CFAP61: variants seen among roughly 807,000 people sequenced by gnomAD.
The protein encoded by CFAP61 is cilia- and flagella-associated protein 61.
In CFAP61, 107 loss-of-function variants were observed where a neutral mutation model predicts 135.6. The ratio of observed to expected loss-of-function variants is 0.79; its 90% CI spans 0.67 to 0.93. The LOEUF (loss-of-function observed/expected upper bound fraction) is 0.93, where lower values mean the gene tolerates loss of function less well. Among genes scored for constraint, CFAP61 ranks in the 40% least tolerant of loss-of-function variants. The pLI is 0.00. For missense variants in CFAP61, 1,507 were observed against 1,556.2 expected, an observed-to-expected ratio of 0.97 and a Z score of 0.53; for synonymous variants, 575 against 578.5, an observed-to-expected ratio of 0.99 and a Z score of 0.09.
intron 25 of CFAP61, among the ~76,000 whole-genome samples, chr20:20,332,794 A>G (rs1053356344): frequency 2.6e-5 from 4 of 151,976 alleles, no homozygotes; most frequent in African/African-American, 7.3e-5. Flanking sequence ...TTTATTTTTT[A>G]ATTTTTGTAG....
chr20:20,164,017 T>C (rs1366263531), intron 10 of CFAP61, 33 bp from the exon 11 acceptor site: 16 of 1,553,262 alleles, frequency 1.0e-5, no homozygotes, highest in Non-Finnish European at 1.4e-5. Flanking sequence ...ATTGACAGGA[T>C]TCTCATTGGC....
At chr20:20,092,685 T>TAAA (rs34205914) in intron 7 of CFAP61, among the ~76,000 whole-genome samples, 2 of 151,634 alleles carry the variant, frequency 1.3e-5, no homozygotes, top group African/African-American at 4.9e-5. Flanking sequence ...TAGACACTTT[T>TAAA]AAAAAAAATG....
intron 10 of CFAP61, among the ~76,000 whole-genome samples, chr20:20,160,245 C>T (rs1160304918): frequency 6.6e-6 from 1 of 152,206 alleles, no homozygotes; most frequent in Non-Finnish European, 1.5e-5. Context: ...GATGGATGGA[C>T]TGACTCAGCA....
intron 2 of CFAP61, among the ~76,000 whole-genome samples, chr20:20,066,100 A>G (rs6075611): frequency 0.055 from 8,343 of 152,290 alleles, 268 homozygotes; most frequent in East Asian, 0.1. Context: ...TGGTCATTAG[A>G]GAAATGCAAA....
At chr20:20,288,322 C>T (rs138175736) in intron 22 of CFAP61, among the ~76,000 whole-genome samples, 31 of 152,256 alleles carry the variant, frequency 2.0e-4, no homozygotes, top group Middle Eastern at 3.4e-3. Flanking sequence ...AACCCTCTTC[C>T]GCCGAAAACC....
intron 10 of CFAP61, among the ~76,000 whole-genome samples, chr20:20,162,358 A>G (rs182038191): frequency 7.9e-5 from 12 of 152,272 alleles, no homozygotes; most frequent in African/African-American, 2.9e-4. Flanking sequence ...ATCTTTGGGG[A>G]CCACAGTCCT....
At chr20:20,179,592 G>A (rs2054896419) in intron 13 of CFAP61, among the ~76,000 whole-genome samples, 2 of 152,080 alleles carry the variant, frequency 1.3e-5, no homozygotes, top group Admixed American at 1.3e-4. Context: ...TAAGCAAAAA[G>A]AACAAAGCTG....
At position 20,169,420 on chromosome 20, in the gene CFAP61, G is replaced by T. The variant is rs763745319; in HGVS notation, c.1345G>T (p.Glu449Ter). ...KMVPFNTCTL[E>*]QDLYVFHRAG... Reference sequence around the variant, plus strand: ...GGTCCCTTTCAACACCTGCACCCTCGAGCAGGACCTCTACGTCTTCCACCG... The same window carrying T: ...GGTCCCTTTCAACACCTGCACCCTCTAGCAGGACCTCTACGTCTTCCACCG... The change falls in exon 13 of 27, where the codon GAG becomes TAG. Residue 449 changes from glutamate (E) to a stop codon, truncating the protein, a stop_gained. Transcript: ENST00000245957. LOFTEE classifies it high-confidence loss of function. 1 of 1,613,768 alleles carries T rather than the reference G, an allele frequency of 6.2e-7. No homozygotes were observed. Among genetic ancestry groups the T allele is most frequent in the Non-Finnish European group, 8.5e-7 (1 of 1,179,908 alleles).
intron 9 of CFAP61, among the ~76,000 whole-genome samples, chr20:20,147,766 G>T (rs1200940090): frequency 6.6e-6 from 1 of 151,192 alleles, no homozygotes; most frequent in African/African-American, 2.4e-5. Flanking sequence ...TTTATTTGTT[G>T]GTTTTTTGTT....
At chr20:20,095,298 T>C (rs1454433611) in intron 7 of CFAP61, among the ~76,000 whole-genome samples, 1 of 152,180 alleles carries the variant, frequency 6.6e-6, no homozygotes, top group East Asian at 1.9e-4. Context: ...TCTGGGCTTT[T>C]CCCCCGCAAA....
chr20:20,216,190 C>T (rs1247082860), intron 17 of CFAP61, among the ~76,000 whole-genome samples: 1 of 152,174 alleles, frequency 6.6e-6, no homozygotes, highest in Non-Finnish European at 1.5e-5. Flanking sequence ...TGTTTGGAAG[C>T]TGAATGCTAC....
At chr20:20,290,248 A>T in intron 23 of CFAP61, 52 bp from the exon 24 acceptor site, 47 of 950,244 alleles carry the variant, frequency 4.9e-5, no homozygotes, top group Non-Finnish European at 7.7e-5. Context: ...GAGCTCTGTT[A>T]CTCACCTCAT....
chr20:20,360,142 G>A, intron 26 of CFAP61, 68 bp from the exon 27 acceptor site: 1 of 1,184,408 alleles, frequency 8.4e-7, no homozygotes, highest in Non-Finnish European at 1.3e-6. Flanking sequence ...TCATTCTCAT[G>A]AAACTGCCGT....
intron 18 of CFAP61, among the ~76,000 whole-genome samples, chr20:20,234,282 C>G (rs554622326): frequency 6.6e-6 from 1 of 152,204 alleles, no homozygotes; most frequent in East Asian, 1.9e-4. Flanking sequence ...GACAGGAGAC[C>G]CCTTGCAGGT....
At chr20:20,095,919 G>A (rs1162814668) in intron 7 of CFAP61, among the ~76,000 whole-genome samples, 1 of 152,158 alleles carries the variant, frequency 6.6e-6, no homozygotes, top group Non-Finnish European at 1.5e-5. Flanking sequence ...TTCTGTAAAT[G>A]GACCTGTTTG....
Position 20,359,419 on chromosome 20 carries a change from C to CTT in CFAP61, c.3514-789_3514-788dup, listed in dbSNP as rs1228318464. ...GTGGCTCATGCCTGTAATCCCAGCA[C>CTT]TTTGGGAGGCCGAGGTGGGCAGATC... On this transcript the variant is annotated intron_variant, in intron 26 of 26. Transcript: ENST00000245957. The surrounding 1 kb of genome is among the most constrained non-coding windows in gnomAD (Gnocchi z 4.0). 5.9e-5 allele frequency among the ~76,000 whole-genome samples: 9 copies of CTT among 151,968 alleles called. No homozygotes were observed. The East Asian group carries it at 1.7e-3, about 29-fold the overall frequency.
At chr20:20,165,401 A>T (rs2064445) in intron 11 of CFAP61, among the ~76,000 whole-genome samples, 1 of 151,986 alleles carries the variant, frequency 6.6e-6, no homozygotes, top group Non-Finnish European at 1.5e-5. Context: ...ATATCTGAGC[A>T]GGGGATAAGT....
chr20:20,274,118 G>A (rs577411097), intron 21 of CFAP61, among the ~76,000 whole-genome samples: 6 of 152,120 alleles, frequency 3.9e-5, no homozygotes, highest in Non-Finnish European at 8.8e-5. Context: ...CATTATATAT[G>A]GGCATTTGAG....
At position 20,134,431 on chromosome 20, in the gene CFAP61, G is replaced by A. The variant is rs532388192; in HGVS notation, c.860-8426G>A. ...AGGAGAACTGAGGCCAGGCAATCAA[G>A]ACCTTGCATGCCTTGCAAGAGAGTT... On this transcript the variant is annotated intron_variant, in intron 8 of 26. Transcript: ENST00000245957. 6.1e-4 allele frequency among the ~76,000 whole-genome samples: 93 copies of A among 152,314 alleles called. 1 individual carries two copies. The highest frequency in any genetic ancestry group is 2.2e-3 in the African/African-American group (90 of 41,576).
Sources: gnomAD v4.1 joint callset for allele counts (sites outside exome capture counted in the v4.1 genomes callset) on GRCh38, gnomAD v4.1.1 for gene constraint, Gnocchi (gnomAD v3.1) non-coding constraint, MANE v1.5 for transcripts, NCBI Gene and HGNC (gene_info 2026-07-23, HGNC 2026-07-21) for gene names.